Variants in NXN observed in about 807,000 individuals in gnomAD.
The protein encoded by NXN is nucleoredoxin 1.
Under a neutral mutation model 48.6 loss-of-function variants are expected in NXN, and 16 were observed. The ratio of observed to expected loss-of-function variants is 0.33; its 90% CI spans 0.22 to 0.50. The LOEUF (loss-of-function observed/expected upper bound fraction) is 0.50. Among genes scored for constraint, NXN ranks in the 20% least tolerant of loss-of-function variants. The probability of loss-of-function intolerance (pLI) is 0.98; values close to 1 mark genes in which losing one functional copy is unlikely to be tolerated. For synonymous variants in NXN, 281 were observed against 269.6 expected, an observed-to-expected ratio of 1.04 and a Z score of -0.41; for missense variants, 492 against 605.5, an observed-to-expected ratio of 0.81 and a Z score of 1.97.
chr17:904,764 G>C (rs539595875), intron 1 of NXN, among the ~76,000 whole-genome samples: 2 of 152,178 alleles, frequency 1.3e-5, no homozygotes, highest in South Asian at 2.1e-4. Flanking sequence ...GGCTGGTCTC[G>C]ATCTCCTGAC....
At chr17:905,793 A>T (rs2068576522) in intron 1 of NXN, among the ~76,000 whole-genome samples, 1 of 152,124 alleles carries the variant, frequency 6.6e-6, no homozygotes, top group South Asian at 2.1e-4. Context: ...CCTGGGCAAC[A>T]AAGCGAGACC....
chr17:850,412 T>A (rs562108924), intron 1 of NXN, among the ~76,000 whole-genome samples: 1 of 152,340 alleles, frequency 6.6e-6, no homozygotes, highest in East Asian at 1.9e-4. Context: ...GAGCCTAAGA[T>A]ACACAAACGT....
At chr17:923,178 A>C (rs2068765576) in intron 1 of NXN, among the ~76,000 whole-genome samples, 1 of 152,142 alleles carries the variant, frequency 6.6e-6, no homozygotes, top group Admixed American at 6.5e-5. Flanking sequence ...TCACACCTGG[A>C]ATCCCGACAC....
chr17:899,494 T>C (rs1336241504), intron 1 of NXN, among the ~76,000 whole-genome samples: 1 of 152,168 alleles, frequency 6.6e-6, no homozygotes, highest in Non-Finnish European at 1.5e-5. Context: ...TACTGAGAGC[T>C]GCAAAGAAGA....
At chr17:927,363 C>T (rs1439593765) in intron 1 of NXN, among the ~76,000 whole-genome samples, 3 of 152,066 alleles carry the variant, frequency 2.0e-5, no homozygotes, top group African/African-American at 7.2e-5. Context: ...AATCCCAGCA[C>T]TTTGGGAGGC....
chr17:907,290 T>C (rs550741970), intron 1 of NXN, among the ~76,000 whole-genome samples: 10 of 152,088 alleles, frequency 6.6e-5, no homozygotes, highest in Non-Finnish European at 1.0e-4. Flanking sequence ...ATTTAGGTGA[T>C]TGCTTCTTGC....
chr17:945,875 G>A (rs2069037781), intron 1 of NXN, among the ~76,000 whole-genome samples: 1 of 151,990 alleles, frequency 6.6e-6, no homozygotes, highest in Non-Finnish European at 1.5e-5. Context: ...CCAATCAGGT[G>A]TGCCTTTAGG....
At chr17:875,176 C>T (rs994136526) in intron 1 of NXN, among the ~76,000 whole-genome samples, 3 of 151,950 alleles carry the variant, frequency 2.0e-5, no homozygotes, top group Non-Finnish European at 2.9e-5. Flanking sequence ...GGATTACAGG[C>T]GCACGCCACC....
chr17:868,617 G>A (rs528508382), intron 1 of NXN, among the ~76,000 whole-genome samples: 27 of 152,146 alleles, frequency 1.8e-4, no homozygotes, highest in Admixed American at 8.5e-4. Context: ...TCAGCCTCCC[G>A]AGTAGCTGGG....
At chr17:943,343 A>C (rs1470898591) in intron 1 of NXN, among the ~76,000 whole-genome samples, 2 of 152,086 alleles carry the variant, frequency 1.3e-5, no homozygotes, top group Non-Finnish European at 2.9e-5. Flanking sequence ...CAGGGAAAGG[A>C]GGCTCCACGG....
chr17:812,180 G>A (rs1912090303), intron 5 of NXN, among the ~76,000 whole-genome samples: 3 of 151,952 alleles, frequency 2.0e-5, no homozygotes, highest in African/African-American at 2.4e-5. Context: ...GCCCGCCTCG[G>A]CCTCCCAAAG....
intron 1 of NXN, among the ~76,000 whole-genome samples, chr17:843,006 G>GAAAGAAAGAAAGAA (rs1302027670): frequency 2.1e-5 from 2 of 96,042 alleles, no homozygotes; most frequent in Admixed American, 2.1e-4. Context: ...GAGAGAAAGA[G>GAAAGAAAGAAAGAA]AGAAAGAAAG....
At chr17:939,664 G>T (rs1056731767) in intron 1 of NXN, among the ~76,000 whole-genome samples, 2 of 151,914 alleles carry the variant, frequency 1.3e-5, no homozygotes, top group Non-Finnish European at 2.9e-5. Context: ...TCTTTTTAAA[G>T]AATACGTTCT....
At position 871,068 on chromosome 17, in the gene NXN, G is replaced by A. The variant is rs576202706; in HGVS notation, c.361-44990C>T. ...AGTAGAGACGGGGTTTCACTGTGTT[G>A]GCCAGGATGGTCTCGATCTCCTGAC... On this transcript the variant is annotated intron_variant, in intron 1 of 7. Transcript: ENST00000336868. 3.0e-4 allele frequency among the ~76,000 whole-genome samples: 45 copies of A among 151,942 alleles called. No homozygotes were observed. In the South Asian group the frequency reaches 3.3e-3, roughly 11 times the overall value.
At position 866,162 on chromosome 17, in the gene NXN, G is replaced by A. The variant is rs80036517; in HGVS notation, c.361-40084C>T. ...ACAATTAAAGCAGGTCGGCTATGCC[G>A]ATAGGAAGAGACTGGCAAGATATTA... On this transcript the variant is annotated intron_variant, in intron 1 of 7. Coordinates refer to ENST00000336868, the MANE Select transcript of NXN (RefSeq NM_022463.5). Among the ~76,000 whole-genome samples, 749 of 152,266 alleles carry A rather than the reference G, an allele frequency of 4.9e-3. 5 individuals are homozygous for A. The highest frequency in any genetic ancestry group is 0.017 in the African/African-American group (724 of 41,554).
intron 1 of NXN, chr17:907,975 C>A (rs904715641): frequency 6.6e-6 from 1 of 151,912 alleles, no homozygotes; most frequent in Non-Finnish European, 1.5e-5. Context: ...TGGGAGGTCT[C>A]AGTTCAACCT....
At chr17:808,112 G>A (rs1286619057) in intron 5 of NXN, among the ~76,000 whole-genome samples, 1 of 152,104 alleles carries the variant, frequency 6.6e-6, no homozygotes, top group Non-Finnish European at 1.5e-5. Flanking sequence ...GGACGCTTCT[G>A]GGGTCCTCAC....
rs140852232 is a variant in NXN at position 915,565 on chromosome 17, A to G, written c.360+63754T>C. Among the ~76,000 whole-genome samples, 45 of 152,310 alleles carry G rather than the reference A, an allele frequency of 3.0e-4. 2 individuals carry two copies. The East Asian group carries it at 7.1e-3, about 24-fold the overall frequency. On this transcript the variant is annotated intron_variant, in intron 1 of 7. Transcript: ENST00000336868. The stretch of plus-strand genomic sequence containing the variant: ...CTCCCAAAGTGCTGGGATTACAGAT[A>G]TAAGACACCACACCTGGACTCTAGG...
At chr17:911,402 C>A (rs891665475) in intron 1 of NXN, among the ~76,000 whole-genome samples, 2 of 139,418 alleles carry the variant, frequency 1.4e-5, no homozygotes, top group Non-Finnish European at 3.0e-5. Flanking sequence ...TGCAGTGGCG[C>A]GATCTCGGCT....
Sources: gnomAD v4.1 joint callset for allele counts (sites outside exome capture counted in the v4.1 genomes callset) on GRCh38, gnomAD v4.1.1 for gene constraint, MANE v1.5 for transcripts, NCBI Gene and HGNC (gene_info 2026-07-23, HGNC 2026-07-21) for gene names.